Variants in MPP3 observed in about 807,000 individuals in gnomAD.
MPP3 encodes MAGUK p55 scaffold protein 3.
Under a neutral mutation model 80.7 loss-of-function variants are expected in MPP3, and 48 were observed. The ratio of observed to expected loss-of-function variants is 0.59; its 90% CI spans 0.47 to 0.76. The LOEUF is 0.76. Among genes scored for constraint, MPP3 ranks in the 30% least tolerant of loss-of-function variants. The pLI is 0.00. For missense variants in MPP3, 620 were observed against 763.0 expected (o/e 0.81, Z 2.21); for synonymous variants, 311 against 297.6 (o/e 1.04, Z -0.46).
intron 3 of MPP3, 35 bp from the exon 4 acceptor site, chr17:43,831,712 C>T (rs552860826): frequency 3.2e-6 from 5 of 1,555,014 alleles, no homozygotes; most frequent in South Asian, 2.3e-5. Flanking sequence ...GGATAGCAAA[C>T]GCAGTGGGTG....
Position 43,811,138 on chromosome 17 carries a change from T to C in MPP3, c.1323A>G (p.Ala441=). The C allele has an allele frequency of 6.2e-7, 1 of 1,614,204 alleles. No individual in the cohort carries two copies. The highest frequency in any genetic ancestry group is 8.5e-7 in the Non-Finnish European group (1 of 1,180,004). The part of the protein sequence containing the change: ...GVEYHFVSKQ[A]FEADLHHNKF... ...TGTTGTGATGTAAGTCGGCCTCAAA[T>C]GCTTGCTTAGACACAAAGTGATATT... The change falls in exon 17 of 20, where the codon GCA becomes GCG. Residue 441 remains alanine, a synonymous_variant. Transcript: ENST00000398389.
rs568743746 is a variant in MPP3 at position 43,804,771 on chromosome 17, C to A, written c.1582-2894G>T. 2.6e-5 allele frequency among the ~76,000 whole-genome samples: 4 copies of A among 152,328 alleles called. No homozygotes were observed. The South Asian group carries it at 8.3e-4, about 32-fold the overall frequency. On this transcript the variant is annotated intron_variant, in intron 19 of 19. Coordinates refer to ENST00000398389, the MANE Select transcript of MPP3 (RefSeq NM_001932.6). ...GGACCAGGCGTGGTGCCTCCCAGCA[C>A]TTTGGGAGGCCGAGGCAGGTGGATC... is the stretch of plus-strand genomic sequence containing the variant.
chr17:43,820,605 T>TAC (rs61249899), intron 11 of MPP3, among the ~76,000 whole-genome samples: 8,246 of 125,132 alleles, frequency 0.066, 417 homozygotes, highest in African/African-American at 0.14. Flanking sequence ...AAAAAAAAAA[T>TAC]ACACACACAC....
chr17:43,818,932 T>TAAA (rs2045288142), intron 11 of MPP3: 1 of 123,388 alleles, frequency 8.1e-6, no homozygotes, highest in African/African-American at 4.6e-5. Flanking sequence ...AAACCATGTC[T>TAAA]CAAAAAAAAA....
At chr17:43,826,524 AC>A (rs756973098) in intron 8 of MPP3, among the ~76,000 whole-genome samples, 1 of 151,844 alleles carries the variant, frequency 6.6e-6, no homozygotes, top group African/African-American at 2.4e-5. Flanking sequence ...TGCAACGATG[AC>A]CCCCCAGACT....
Position 43,825,756 on chromosome 17 carries a change from C to G in MPP3, c.609G>C (p.Leu203=). The part of the protein sequence containing the change: ...HKRPDEISQI[L]AQSQGSITLK... ...TCCCTAGCAGGCTTGTAGCACGGACCAGAATCTGGCTGATCTCGTCGGGCC... is the reference window on the plus strand; with the variant it reads ...TCCCTAGCAGGCTTGTAGCACGGACGAGAATCTGGCTGATCTCGTCGGGCC... Residue 203 remains leucine (L), a splice_region_variant and synonymous_variant, in exon 9 of 20, where the codon CTG becomes CTC. Transcript: ENST00000398389. 1 of 1,606,648 alleles carries G rather than the reference C, an allele frequency of 6.2e-7. No individual in the cohort carries two copies. Among genetic ancestry groups the G allele is most frequent in the Non-Finnish European group, 8.5e-7 (1 of 1,173,168 alleles).
intron 11 of MPP3, chr17:43,819,129 T>G (rs530569546): frequency 1.1e-4 from 16 of 152,310 alleles, no homozygotes; most frequent in Middle Eastern, 3.4e-3. Context: ...CCCATGGATC[T>G]GCATTTCTAA....
chr17:43,807,315 CA>C (rs1196017041), intron 19 of MPP3, among the ~76,000 whole-genome samples: 2 of 149,432 alleles, frequency 1.3e-5, no homozygotes, highest in Non-Finnish European at 3.0e-5. Flanking sequence ...CTTTTTTCTA[CA>C]TTTTTTTTTT....
chr17:43,816,757 G>A (rs117207023), intron 12 of MPP3, 60 bp from the exon 13 acceptor site: 11 of 1,532,092 alleles, frequency 7.2e-6, no homozygotes, highest in East Asian at 4.8e-5. Flanking sequence ...GGGACCCTGC[G>A]GCTGAGGGCA....
At chr17:43,818,500 G>C (rs2045265759) in intron 11 of MPP3, among the ~76,000 whole-genome samples, 1 of 152,290 alleles carries the variant, frequency 6.6e-6, no homozygotes, top group Non-Finnish European at 1.5e-5. Context: ...ACTCCCAGGA[G>C]AGGCCGAGGA....
In MPP3 at chr17:43,823,949, ATCT is replaced by A; in HGVS notation, c.663_665del (p.Glu221del). On this transcript the variant is annotated inframe_deletion, in exon 10 of 20. Transcript: ENST00000398389. ...CCCATACCTTGCTCTCCTTTAAGCGATCTTCCTCCTGGGTGGCTGGGATGATTT... is the reference window on the plus strand; with the variant it reads ...CCCATACCTTGCTCTCCTTTAAGCGATCCTCCTGGGTGGCTGGGATGATTT... 1 of 1,611,116 alleles carries A rather than the reference ATCT, an allele frequency of 6.2e-7. No homozygotes were observed. The highest frequency in any genetic ancestry group is 1.1e-5 in the South Asian group (1 of 90,412).
At chr17:43,811,058 G>A in intron 17 of MPP3, 54 bp downstream of exon 17, 1 of 1,536,754 alleles carries the variant, frequency 6.5e-7, no homozygotes. Context: ...GTGGAATACA[G>A]ATACAAAAAC....
rs2045498630 is a variant in MPP3, at chr17:43,822,319, C to G, written c.685-1261G>C. On this transcript the variant is annotated intron_variant, in intron 10 of 19. Transcript: ENST00000398389. ...TCTTCAAAGTATCGACTGACATCTCCTCTGTGCTAGATGCTGTAATGTTTC... is the reference window on the plus strand; with the variant it reads ...TCTTCAAAGTATCGACTGACATCTCGTCTGTGCTAGATGCTGTAATGTTTC... Among the ~76,000 whole-genome samples the G allele has an allele frequency of 1.3e-5, 2 of 152,212 alleles. 1 individual carries two copies. The highest frequency in any genetic ancestry group is 2.9e-5 in the Non-Finnish European group (2 of 68,036).
At position 43,824,288 on chromosome 17, in the gene MPP3, G is replaced by A. The variant is rs147899931; in HGVS notation, c.610-283C>T. ...CTGTATTTTCAAAAGTCAAAGGGACGGAAGACTTTCCATGAGAACCCAAGG... is the reference window on the plus strand; with the variant it reads ...CTGTATTTTCAAAAGTCAAAGGGACAGAAGACTTTCCATGAGAACCCAAGG... On this transcript the variant is annotated intron_variant, in intron 9 of 19. Coordinates refer to ENST00000398389, the MANE Select transcript of MPP3 (RefSeq NM_001932.6). Among the ~76,000 whole-genome samples the A allele has an allele frequency of 1.6e-3, 238 of 152,194 alleles. 1 individual carries two copies. The highest frequency in any genetic ancestry group is 5.3e-3 in the African/African-American group (220 of 41,530).
At position 43,809,043 on chromosome 17, in the gene MPP3, G is replaced by C; in HGVS notation, c.1494C>G (p.Pro498=). 4 of 1,603,364 alleles carry C rather than the reference G, an allele frequency of 2.5e-6. No homozygotes were observed. The highest frequency in any genetic ancestry group is 2.3e-5 in the South Asian group (2 of 88,506). ...LKQLRTSEFK[P]YIIFVKPAIQ... ...TTGCAGGCTTTACAAATATAATATA[G>C]GGTTTAAATTCTGAGGTCCTCAGTT... The change falls in exon 19 of 20, where the codon CCC becomes CCG. Residue 498 remains proline (P), a synonymous_variant. Coordinates refer to ENST00000398389, the MANE Select transcript of MPP3 (RefSeq NM_001932.6).
intron 19 of MPP3, among the ~76,000 whole-genome samples, chr17:43,804,387 C>T (rs1454265422): frequency 2.0e-5 from 3 of 152,062 alleles, no homozygotes; most frequent in Non-Finnish European, 4.4e-5. Context: ...AGAAAGAAAC[C>T]CTTACTTTTC....
intron 8 of MPP3, among the ~76,000 whole-genome samples, chr17:43,826,845 CTT>C (rs1022904829): frequency 1.6e-5 from 2 of 121,260 alleles, no homozygotes; most frequent in South Asian, 2.6e-4. Flanking sequence ...TTTTTTTTTT[CTT>C]TTTTTTTTGA....
At chr17:43,804,257 C>T (rs561578747) in intron 19 of MPP3, among the ~76,000 whole-genome samples, 1 of 152,200 alleles carries the variant, frequency 6.6e-6, no homozygotes, top group Non-Finnish European at 1.5e-5. Context: ...CCCAGAATAG[C>T]CAAAACAAGC....
chr17:43,806,172 AT>A (rs1359712751), intron 19 of MPP3, among the ~76,000 whole-genome samples: 3 of 151,852 alleles, frequency 2.0e-5, no homozygotes, highest in African/African-American at 4.8e-5. Context: ...TATTTAATTA[AT>A]TTATTTTTTT....
Sources: gnomAD v4.1 joint callset for allele counts (sites outside exome capture counted in the v4.1 genomes callset) on GRCh38, gnomAD v4.1.1 for gene constraint, MANE v1.5 for transcripts, NCBI Gene and HGNC (gene_info 2026-07-23, HGNC 2026-07-21) for gene names.